The following ROBO2 variants were observed in gnomAD, a reference collection of about 807,000 sequenced individuals.
ROBO2 encodes roundabout homolog 2.
In ROBO2, 53 loss-of-function variants were observed where a neutral mutation model predicts 160.8. That is an observed-to-expected ratio of 0.33 (90% confidence interval 0.26 to 0.41). ROBO2 has a LOEUF of 0.41. Among genes scored for constraint, ROBO2 ranks in the 10% least tolerant of loss-of-function variants. The pLI is 1.00. For synonymous variants in ROBO2, 664 were observed against 611.7 expected, an observed-to-expected ratio of 1.09 and a Z score of -1.26; for missense variants, 1,577 against 1,722.4, an observed-to-expected ratio of 0.92 and a Z score of 1.49.
At chr3:76,389,570 G>A (rs1052533400) in intron 2 of ROBO2, among the ~76,000 whole-genome samples, 1 of 152,124 alleles carries the variant, frequency 6.6e-6, no homozygotes, top group Non-Finnish European at 1.5e-5. Context: ...CAGCCTATGT[G>A]CTCTGTACTG....
chr3:76,651,452 T>A (rs538930761), intron 2 of ROBO2, among the ~76,000 whole-genome samples: 1 of 152,136 alleles, frequency 6.6e-6, no homozygotes, highest in Non-Finnish European at 1.5e-5. Context: ...GAGTGTAGCA[T>A]ACATAAAAGT....
intron 2 of ROBO2, among the ~76,000 whole-genome samples, chr3:76,544,667 A>T (rs3849507): frequency 4.5e-4 from 69 of 152,148 alleles, no homozygotes; most frequent in African/African-American, 1.6e-3. Flanking sequence ...TGTGGAGTCA[A>T]ACTTCCTAGA....
Position 77,536,915 on chromosome 3 carries a change from A to C in ROBO2, c.935-9423A>C, listed in dbSNP as rs1055284549. ...TTTTATGTGCCTGCTTATGAGATCT[A>C]AAAATGCAAGACATTTTGAACTGAG... On this transcript the variant is annotated intron_variant, in intron 6 of 25. Transcript: ENST00000461745. Among the ~76,000 whole-genome samples the C allele has an allele frequency of 3.3e-5, 5 of 152,168 alleles. No homozygotes were observed. The East Asian group carries it at 9.7e-4, about 29-fold the overall frequency.
At chr3:77,297,318 C>T (rs2062236235) in intron 2 of ROBO2, among the ~76,000 whole-genome samples, 1 of 152,050 alleles carries the variant, frequency 6.6e-6, no homozygotes, top group African/African-American at 2.4e-5. Flanking sequence ...AACATTTAGC[C>T]AGAGTTAATA....
chr3:76,352,459 G>A (rs2074934802), intron 2 of ROBO2, among the ~76,000 whole-genome samples: 1 of 151,946 alleles, frequency 6.6e-6, no homozygotes, highest in Non-Finnish European at 1.5e-5. Context: ...TTGTTCAAAT[G>A]ATTTGAAAAC....
At chr3:76,940,840 C>T (rs914550191) in intron 2 of ROBO2, among the ~76,000 whole-genome samples, 2 of 152,170 alleles carry the variant, frequency 1.3e-5, no homozygotes, top group African/African-American at 4.8e-5. Context: ...AAAAGAAATT[C>T]ATCTGCAGGC....
chr3:77,151,085 C>G (rs1241187433), intron 2 of ROBO2, among the ~76,000 whole-genome samples: 1 of 152,028 alleles, frequency 6.6e-6, no homozygotes, highest in African/African-American at 2.4e-5. Flanking sequence ...AAAAGGGGTA[C>G]TCAAATGTAG....
At chr3:76,487,306 T>G (rs1441496521) in intron 2 of ROBO2, among the ~76,000 whole-genome samples, 2 of 151,946 alleles carry the variant, frequency 1.3e-5, no homozygotes, top group Non-Finnish European at 2.9e-5. Flanking sequence ...CTGCTTTCTG[T>G]CCCGTCACAT....
rs55778369 is a variant in ROBO2 at position 76,141,159 on chromosome 3, CTATA to C, written c.109+203583_109+203586del. 7.9e-3 allele frequency among the ~76,000 whole-genome samples: 72 copies of C among 9,166 alleles called. 2 individuals are homozygous for C. The highest frequency in any genetic ancestry group is 0.027 in the South Asian group (4 of 150). 6.0% of individuals were successfully genotyped at this position (9,166 alleles called of 152,430 possible). On this transcript the variant is annotated intron_variant, in intron 2 of 26. Coordinates refer to the ROBO2 transcript ENST00000487694. ...TCTCTCTCTCTCTCTCTCTCTCTCT[CTATA>C]TATATATATATATATATATATATAT...
At chr3:77,599,842 T>G (rs1193074976) in intron 19 of ROBO2, among the ~76,000 whole-genome samples, 1 of 152,128 alleles carries the variant, frequency 6.6e-6, no homozygotes, top group Admixed American at 6.5e-5. Flanking sequence ...TTCAAAACAC[T>G]GGGTGAGCAA....
At chr3:76,813,816 TTGA>T (rs2065416372) in intron 2 of ROBO2, among the ~76,000 whole-genome samples, 1 of 152,100 alleles carries the variant, frequency 6.6e-6, no homozygotes, top group Non-Finnish European at 1.5e-5. Context: ...CTTTAAGTTC[TTGA>T]TGAGAAAGCT....
At chr3:76,473,393 T>G (rs2107136918) in intron 2 of ROBO2, among the ~76,000 whole-genome samples, 1 of 152,224 alleles carries the variant, frequency 6.6e-6, no homozygotes, top group Admixed American at 6.6e-5. Flanking sequence ...CATGATTATT[T>G]AACAAATTAT....
chr3:76,187,595 A>G (rs531660538), intron 2 of ROBO2, among the ~76,000 whole-genome samples: 4 of 152,078 alleles, frequency 2.6e-5, no homozygotes, highest in African/African-American at 9.6e-5. Flanking sequence ...TCTCTTTCCT[A>G]TTGTGTGTTT....
intron 2 of ROBO2, among the ~76,000 whole-genome samples, chr3:76,703,566 A>C (rs907289282): frequency 1.3e-5 from 2 of 150,710 alleles, no homozygotes; most frequent in African/African-American, 2.4e-5. Context: ...CCCTGTGTCC[A>C]TGTGTTCTCA....
At chr3:76,441,074 T>G (rs190265981) in intron 2 of ROBO2, among the ~76,000 whole-genome samples, 35 of 152,300 alleles carry the variant, frequency 2.3e-4, no homozygotes, top group Non-Finnish European at 1.5e-4. Context: ...TAGACCTCAT[T>G]GGGATAAAAT....
chr3:76,195,346 A>G (rs1702211675), intron 2 of ROBO2, among the ~76,000 whole-genome samples: 1 of 152,184 alleles, frequency 6.6e-6, no homozygotes, highest in African/African-American at 2.4e-5. Context: ...TCCATGAGGA[A>G]CTCACAGATC....
chr3:76,053,101 C>T (rs1341971858), intron 2 of ROBO2, among the ~76,000 whole-genome samples: 2 of 151,940 alleles, frequency 1.3e-5, no homozygotes, highest in Non-Finnish European at 2.9e-5. Flanking sequence ...GTCATGTTGG[C>T]CAGACTATAG....
chr3:76,207,872 G>A (rs1702907347), intron 2 of ROBO2, among the ~76,000 whole-genome samples: 2 of 152,128 alleles, frequency 1.3e-5, no homozygotes, highest in Admixed American at 1.3e-4. Context: ...CCAAATCTCA[G>A]GTCAAATTAT....
At chr3:76,511,083 T>C (rs2081061310) in intron 2 of ROBO2, among the ~76,000 whole-genome samples, 1 of 152,194 alleles carries the variant, frequency 6.6e-6, no homozygotes, top group African/African-American at 2.4e-5. Flanking sequence ...AAGTCTCTAA[T>C]GCTGATGAAC....
Sources: gnomAD v4.1 joint callset for allele counts (sites outside exome capture counted in the v4.1 genomes callset) on GRCh38, gnomAD v4.1.1 for gene constraint, MANE v1.5 for transcripts, NCBI Gene and HGNC (gene_info 2026-07-23, HGNC 2026-07-21) for gene names.